The following SGCZ variants were observed in gnomAD, a reference collection of about 807,000 sequenced individuals.
SGCZ encodes sarcoglycan zeta.
In SGCZ, 40 loss-of-function variants were observed where a neutral mutation model predicts 41.3. The ratio of observed to expected loss-of-function variants is 0.97; its 90% CI spans 0.75 to 1.26. The LOEUF is 1.26. SGCZ is among the 50% of genes most tolerant of loss of function. SGCZ has a pLI of 0.00. For missense variants in SGCZ, 552 were observed against 369.8 expected (o/e 1.49, Z -4.04); for synonymous variants, 206 against 137.5 (o/e 1.50, Z -3.49).
In SGCZ at chr8:14,636,697, G is replaced by A. The variant is rs115929878; in HGVS notation, c.40-81771C>T. On this transcript the variant is annotated intron_variant, in intron 1 of 7. Coordinates refer to ENST00000382080, the MANE Select transcript of SGCZ (RefSeq NM_139167.4). The stretch of plus-strand genomic sequence containing the variant: ...AAGCTCAGGAAGGAAGGCATATATA[G>A]AAAGGTAATATGAGTATCACAAGTA... Among the ~76,000 whole-genome samples the A allele has an allele frequency of 4.0e-3, 615 of 151,886 alleles. 6 individuals are homozygous for A. The highest frequency in any genetic ancestry group is 0.012 in the African/African-American group (506 of 41,492).
chr8:14,708,924 G>A (rs1307071822), intron 1 of SGCZ, among the ~76,000 whole-genome samples: 1 of 151,778 alleles, frequency 6.6e-6, no homozygotes, highest in Non-Finnish European at 1.5e-5. Context: ...GCTTACATGA[G>A]AATGTGTTAG....
intron 5 of SGCZ, among the ~76,000 whole-genome samples, chr8:14,154,257 C>T (rs1803808699): frequency 6.6e-6 from 1 of 152,100 alleles, no homozygotes; most frequent in East Asian, 1.9e-4. Flanking sequence ...GTAGTCCCAG[C>T]TAGCAGGAGG....
chr8:14,610,495 TG>T (rs1805892480), intron 1 of SGCZ, among the ~76,000 whole-genome samples: 1 of 152,154 alleles, frequency 6.6e-6, no homozygotes, highest in African/African-American at 2.4e-5. Context: ...GTCATTTATT[TG>T]GGTCTCAAGA....
chr8:14,753,894 G>C (rs988049898), intron 1 of SGCZ, among the ~76,000 whole-genome samples: 1 of 152,316 alleles, frequency 6.6e-6, no homozygotes, highest in Admixed American at 6.5e-5. Context: ...GGTAGCAGAA[G>C]ACCATAGGCA....
intron 1 of SGCZ, among the ~76,000 whole-genome samples, chr8:15,043,301 G>C (rs904951772): frequency 9.2e-5 from 14 of 152,246 alleles, no homozygotes; most frequent in Admixed American, 8.5e-4. Flanking sequence ...ACATTGGTTT[G>C]ACATGGATAA....
At chr8:14,893,655 A>G (rs116842684) in intron 1 of SGCZ, among the ~76,000 whole-genome samples, 395 of 152,346 alleles carry the variant, frequency 2.6e-3, no homozygotes, top group Non-Finnish European at 3.8e-3. Context: ...CAGGGATTCA[A>G]TACTGTGTCT....
At chr8:15,155,779 T>C (rs1435221156) in intron 1 of SGCZ, among the ~76,000 whole-genome samples, 1 of 152,174 alleles carries the variant, frequency 6.6e-6, no homozygotes, top group Admixed American at 6.5e-5. Context: ...AAGAGTGGGC[T>C]GAGCGTGGTG....
At chr8:14,647,170 A>G (rs2117445722) in intron 1 of SGCZ, among the ~76,000 whole-genome samples, 1 of 152,174 alleles carries the variant, frequency 6.6e-6, no homozygotes, top group Non-Finnish European at 1.5e-5. Flanking sequence ...AAAATGTTTT[A>G]GTACAGATAC....
intron 1 of SGCZ, among the ~76,000 whole-genome samples, chr8:15,180,749 T>A (rs984531406): frequency 7.0e-6 from 1 of 142,848 alleles, no homozygotes; most frequent in East Asian, 2.0e-4. Flanking sequence ...TAGCCGGGCA[T>A]GGTGGTGGGC....
rs758565196 is a variant in SGCZ at position 14,190,254 on chromosome 8, C to T, written c.425-25552G>A. 3.4e-4 allele frequency among the ~76,000 whole-genome samples: 52 copies of T among 151,862 alleles called. 1 individual carries two copies. Among genetic ancestry groups the T allele is most frequent in the Non-Finnish European group, 1.9e-4 (13 of 67,964 alleles). On this transcript the variant is annotated intron_variant, in intron 4 of 7. Coordinates refer to ENST00000382080, the MANE Select transcript of SGCZ (RefSeq NM_139167.4). Reference sequence around the variant, plus strand: ...GTCTCGAACTCCTGACCTTGTGATCCGCCCACCTCGGCCTCCCAAAGTGCC... The same window carrying T: ...GTCTCGAACTCCTGACCTTGTGATCTGCCCACCTCGGCCTCCCAAAGTGCC...
intron 1 of SGCZ, among the ~76,000 whole-genome samples, chr8:15,128,314 T>A (rs910666240): frequency 6.6e-6 from 1 of 152,234 alleles, no homozygotes; most frequent in Non-Finnish European, 1.5e-5. Context: ...ACTCACCTTA[T>A]AAGCTTTGAG....
At chr8:14,505,606 T>A (rs1802282412) in intron 2 of SGCZ, among the ~76,000 whole-genome samples, 1 of 152,182 alleles carries the variant, frequency 6.6e-6, no homozygotes, top group East Asian at 1.9e-4. Flanking sequence ...TTTATGTTAA[T>A]GTCTTATATG....
chr8:15,096,625 A>AT (rs1440253551), intron 1 of SGCZ, among the ~76,000 whole-genome samples: 3 of 152,200 alleles, frequency 2.0e-5, no homozygotes. Flanking sequence ...ATAAAAACGA[A>AT]TGAAATATTT....
chr8:14,449,108 C>G (rs1162592220), intron 2 of SGCZ, among the ~76,000 whole-genome samples: 3 of 152,158 alleles, frequency 2.0e-5, no homozygotes, highest in Admixed American at 2.0e-4. Context: ...CCCTGCAGCC[C>G]AGGCATAGCA....
chr8:14,255,007 G>A (rs1206182938), intron 3 of SGCZ, among the ~76,000 whole-genome samples: 14 of 151,980 alleles, frequency 9.2e-5, no homozygotes, highest in Admixed American at 7.9e-4. Flanking sequence ...CTCCAGTTTG[G>A]CTGCTTTTGC....
chr8:14,628,130 A>G (rs916328988), intron 1 of SGCZ, among the ~76,000 whole-genome samples: 1 of 152,072 alleles, frequency 6.6e-6, no homozygotes, highest in Non-Finnish European at 1.5e-5. Flanking sequence ...TTAATGCTAC[A>G]TTGGCCATTT....
intron 3 of SGCZ, among the ~76,000 whole-genome samples, chr8:14,293,848 T>C (rs1800924919): frequency 6.6e-6 from 1 of 151,870 alleles, no homozygotes. Context: ...AAGATCAAAG[T>C]AGTAGAATTA....
chr8:15,157,905 T>A (rs981065555), intron 1 of SGCZ, among the ~76,000 whole-genome samples: 2 of 152,210 alleles, frequency 1.3e-5, no homozygotes, highest in Non-Finnish European at 2.9e-5. Context: ...TCTGGCCTTG[T>A]TGTTCCTCCT....
At position 15,134,713 on chromosome 8, in the gene SGCZ, C is replaced by T. The variant is rs549601285; in HGVS notation, c.39+102872G>A. Among the ~76,000 whole-genome samples the T allele has an allele frequency of 3.3e-5, 5 of 152,276 alleles. No homozygotes were observed. In the South Asian group the frequency reaches 1.0e-3, roughly 32 times the overall value. On this transcript the variant is annotated intron_variant, in intron 1 of 7. Coordinates refer to ENST00000382080, the MANE Select transcript of SGCZ (RefSeq NM_139167.4). ...GAGTTTCTCAAGTTATTTCCTATGACACACTTGTGTTTGACAAAATACTAC... is the reference window on the plus strand; with the variant it reads ...GAGTTTCTCAAGTTATTTCCTATGATACACTTGTGTTTGACAAAATACTAC...
Sources: allele counts gnomAD v4.1 joint callset (sites outside exome capture counted in the v4.1 genomes callset), GRCh38; gene constraint gnomAD v4.1.1; transcripts MANE v1.5; gene names NCBI Gene and HGNC (gene_info 2026-07-23, HGNC 2026-07-21).